Variants in DNAAF3 observed in about 807,000 individuals in gnomAD.
DNAAF3 encodes the protein dynein axonemal assembly factor 3.
Under a neutral mutation model 50.9 loss-of-function variants are expected in DNAAF3, and 40 were observed. The observed-to-expected ratio is 0.79, with a 90% CI of 0.61 to 1.02. DNAAF3 has a LOEUF of 1.02. Among genes scored for constraint, DNAAF3 ranks in the 50% least tolerant of loss-of-function variants. The probability of loss-of-function intolerance (pLI) is 0.00; values close to 1 mark genes in which losing one functional copy is unlikely to be tolerated. For synonymous variants in DNAAF3, 327 were observed against 322.8 expected, an observed-to-expected ratio of 1.01 and a Z score of -0.14; for missense variants, 763 against 744.7, an observed-to-expected ratio of 1.02 and a Z score of -0.29.
Position 55,160,902 on chromosome 19 carries a change from A to T in DNAAF3, c.913-127T>A. 1 of 1,458,994 alleles carries T rather than the reference A, an allele frequency of 6.9e-7. No homozygotes were observed. Among genetic ancestry groups the T allele is most frequent in the Non-Finnish European group, 9.0e-7 (1 of 1,107,708 alleles). 90.4% of individuals were successfully genotyped at this position (1,458,994 alleles called of 1,614,324 possible). ...CTTGGAGGATGTGAAGTGGGGCGGG[A>T]CCTATCCCGCGGGGATGGGGCCTGT... On this transcript the variant is annotated intron_variant, in intron 8 of 11. Coordinates refer to ENST00000524407, the MANE Select transcript of DNAAF3 (RefSeq NM_001256715.2). This position sits in a 1 kb window ranked among gnomAD's most constrained non-coding sequence, Gnocchi z 4.7.
Position 55,166,095 on chromosome 19 carries a change from C to T in DNAAF3, c.86-95G>A, listed in dbSNP as rs1568869086. ...AAAATGGACTACAAATCCCAGTAGG[C>T]GTTCCGCCCGTGGCCTAGGTTCTAA... is the stretch of plus-strand genomic sequence containing the variant. On this transcript the variant is annotated intron_variant, in intron 2 of 11. Transcript: ENST00000524407. The surrounding 1 kb of genome is among the most constrained non-coding windows in gnomAD (Gnocchi z 4.0). The T allele has an allele frequency of 1.9e-6, 3 of 1,599,272 alleles. No homozygotes were observed. The highest frequency in any genetic ancestry group is 1.3e-5 in the African/African-American group (1 of 74,814).
rs757302187 is a variant in DNAAF3 at position 55,166,416 on chromosome 19, C to A, written c.-3G>T. 5.6e-6 allele frequency: 9 copies of A among 1,613,794 alleles called. No individual in the cohort carries two copies. The highest frequency in any genetic ancestry group is 2.5e-6 in the Non-Finnish European group (3 of 1,179,904). On this transcript the variant is annotated splice_region_variant and 5_prime_UTR_variant, in exon 2 of 12. Coordinates refer to ENST00000524407, the MANE Select transcript of DNAAF3 (RefSeq NM_001256715.2). This position sits in a 1 kb window ranked among gnomAD's most constrained non-coding sequence, Gnocchi z 4.0. ...CCGGAGCCGGCAGGTGTGGTCATCA[C>A]CCTGCGGAAAAGACATTCTGGGAAT...
intron 4 of DNAAF3, among the ~76,000 whole-genome samples, chr19:55,164,549 G>A (rs533814551): frequency 2.1e-4 from 32 of 151,758 alleles, no homozygotes; most frequent in Non-Finnish European, 4.1e-4. Context: ...TTTAGATGGA[G>A]GTTTTGCTTT....
At position 55,158,844 on chromosome 19, in the gene DNAAF3, C is replaced by T; in HGVS notation, c.*218G>A. On this transcript the variant is annotated 3_prime_UTR_variant, in exon 12 of 12. Transcript: ENST00000524407. ...AGCCTCAGAAGTGGAATTTGGAATT[C>T]TGAGAGAACAATCTAGAATTCTAGG... The T allele has an allele frequency of 1.9e-6, 1 of 523,044 alleles. No homozygotes were observed. Among genetic ancestry groups the T allele is most frequent in the Non-Finnish European group, 3.2e-6 (1 of 310,282 alleles). 32.4% of individuals were successfully genotyped at this position (523,044 alleles called of 1,614,324 possible). A position where few individuals can be genotyped will look rare whatever the true frequency, so the allele number is the denominator to read the frequency against.
chr19:55,165,483 A>T lies in DNAAF3; in HGVS notation c.229-20T>A. The T allele has an allele frequency of 6.2e-7, 1 of 1,612,952 alleles. No homozygotes were observed. Among genetic ancestry groups the T allele is most frequent in the Middle Eastern group, 1.7e-4 (1 of 5,980 alleles). On this transcript the variant is annotated intron_variant, in intron 3 of 11. Transcript: ENST00000524407. Reference sequence around the variant, plus strand: ...AAAGAACTAGAAGGATGGACAGGGCAGAATAATTCTGAGACCTGTTTGCCT... The same window carrying T: ...AAAGAACTAGAAGGATGGACAGGGCTGAATAATTCTGAGACCTGTTTGCCT...
chr19:55,165,652 C>G (rs896985382), intron 3 of DNAAF3, 189 bp from the exon 4 acceptor site: 4 of 961,764 alleles, frequency 4.2e-6, no homozygotes, highest in African/African-American at 1.6e-5. Flanking sequence ...ACCTCATCCT[C>G]GAGCTCTTCC....
At chr19:55,163,718 T>C (rs1418049717) in intron 4 of DNAAF3, among the ~76,000 whole-genome samples, 4 of 152,216 alleles carry the variant, frequency 2.6e-5, no homozygotes, top group Non-Finnish European at 5.9e-5. Flanking sequence ...TATATACACA[T>C]AGACATACAA....
Position 55,162,141 on chromosome 19 carries a change from C to T in DNAAF3, c.472G>A (p.Ala158Thr), listed in dbSNP as rs2085847866. 4 of 1,249,554 alleles carry T rather than the reference C, an allele frequency of 3.2e-6. No individual in the cohort carries two copies. The highest frequency in any genetic ancestry group is 2.0e-6 in the Non-Finnish European group (2 of 991,386). The allele number at this position is 1,249,554 out of a possible 1,614,324, so 77.4% of individuals were successfully genotyped here. A position where few individuals can be genotyped will look rare whatever the true frequency, so the allele number is the denominator to read the frequency against. Residue 158 changes from alanine (A) to threonine (T), a missense_variant, in exon 5 of 12, where the codon GCC becomes ACC. Transcript: ENST00000524407. Reference protein sequence around the residue: ...EEQLPWLSLRALKFRERDALE... With the variant: ...EEQLPWLSLRTLKFRERDALE... The stretch of plus-strand genomic sequence containing the variant: ...AGGCCGGGCGGCGGCACCTTGAGGG[C>T]GCGGAGGCTGAGCCAGGGCAGCTGT...
rs2085832835 is a variant in DNAAF3, at chr19:55,161,561, C to T, written c.663+82G>A. Reference sequence around the variant, plus strand: ...GGAGTTCAGGCCCCCAAACCCTCCTCCCTCAGACTCAGGAGGCCCCCAGCC... The same window carrying T: ...GGAGTTCAGGCCCCCAAACCCTCCTTCCTCAGACTCAGGAGGCCCCCAGCC... On this transcript the variant is annotated intron_variant, in intron 6 of 11. Coordinates refer to ENST00000524407, the MANE Select transcript of DNAAF3 (RefSeq NM_001256715.2). The surrounding 1 kb of genome is among the most constrained non-coding windows in gnomAD (Gnocchi z 6.4). The T allele has an allele frequency of 2.7e-6, 4 of 1,473,188 alleles. No homozygotes were observed. Among genetic ancestry groups the T allele is most frequent in the Non-Finnish European group, 2.7e-6 (3 of 1,112,092 alleles). The allele number at this position is 1,473,188 out of a possible 1,614,324, so 91.3% of individuals were successfully genotyped here. A position where few individuals can be genotyped will look rare whatever the true frequency, so the allele number is the denominator to read the frequency against.
chr19:55,160,013 G>A lies in DNAAF3; in HGVS notation c.1049C>T (p.Ala350Val), dbSNP rs1353424501. Residue 350 changes from alanine to valine, a missense_variant and splice_region_variant, in exon 10 of 12, where the codon GCA (alanine) becomes GTA (valine). Physicochemically the swap from Ala to Val is moderately conservative, Grantham distance 64. Transcript: ENST00000524407. The surrounding 1 kb of genome is among the most constrained non-coding windows in gnomAD (Gnocchi z 4.7). ...AEGSPEPGTP[A>V]APTPESFTVH... ...GGTGAAAGATTCCGGGGTCGGGGCT[G>A]CTGGGGGAAGGGGATAGAGGGGTCA... 1 of 1,583,730 alleles carries A rather than the reference G, an allele frequency of 6.3e-7. No homozygotes were observed. Among genetic ancestry groups the A allele is most frequent in the African/African-American group, 1.4e-5 (1 of 72,668 alleles).
chr19:55,159,603 C>T lies in DNAAF3; in HGVS notation c.1168G>A (p.Val390Ile). Residue 390 changes from valine (V) to isoleucine (I), a missense_variant, in exon 11 of 12, where the codon GTC becomes ATC. Coordinates refer to ENST00000524407, the MANE Select transcript of DNAAF3 (RefSeq NM_001256715.2). Reference sequence around the variant, plus strand: ...CCAAGCTCAGGGATGAGAAGATGGACCATACTGCAGAGAGGACGGAGGACA... The same window carrying T: ...CCAAGCTCAGGGATGAGAAGATGGATCATACTGCAGAGAGGACGGAGGACA... ...FQLLYVACGM[V>I]HLLIPELGAC... is the part of the protein sequence containing the mutation. The T allele has an allele frequency of 6.2e-7, 1 of 1,612,334 alleles. No individual in the cohort carries two copies. The highest frequency in any genetic ancestry group is 8.5e-7 in the Non-Finnish European group (1 of 1,179,276).
chr19:55,165,589 C>T (rs2085924632), intron 3 of DNAAF3, 126 bp from the exon 4 acceptor site: 2 of 1,015,946 alleles, frequency 2.0e-6, no homozygotes, highest in African/African-American at 3.2e-5. Context: ...CCTCTTCCTT[C>T]AAACACAGAA....
rs374560751 is a variant in DNAAF3, at chr19:55,159,299, G to T, written c.1389C>A (p.Gly463=). 115 of 1,614,144 alleles carry T rather than the reference G, an allele frequency of 7.1e-5. No homozygotes were observed. Among genetic ancestry groups the T allele is most frequent in the Middle Eastern group, 4.9e-4 (3 of 6,062 alleles). The stretch of plus-strand genomic sequence containing the variant: ...CGGGTTCCACAGCTGGGACAGTGTT[G>T]CCCAGAGCTGATTCCTGGGACTTGC... ...RFCKSQESAL[G]NTVPAVEPGT... The change falls in exon 12 of 12, where the codon GGC becomes GGA. Residue 463 remains glycine, a synonymous_variant. Transcript: ENST00000524407.
In DNAAF3 at chr19:55,161,841, C is replaced by T. The variant is rs1305781259; in HGVS notation, c.481-16G>A. ...GCTCGCGGAACTGCGGGGCCAGGCA[C>T]GCGGTGGGACAGAGGAAGGCAGAGA... On this transcript the variant is annotated splice_polypyrimidine_tract_variant and intron_variant, in intron 5 of 11. Transcript: ENST00000524407. The surrounding 1 kb of genome is among the most constrained non-coding windows in gnomAD (Gnocchi z 6.4). 2 of 1,428,694 alleles carry T rather than the reference C, an allele frequency of 1.4e-6. No homozygotes were observed. The highest frequency in any genetic ancestry group is 2.7e-5 in the East Asian group (1 of 37,146). The allele number at this position is 1,428,694 out of a possible 1,614,324, so 88.5% of individuals were successfully genotyped here.
chr19:55,162,312 T>C (rs1011667749), intron 4 of DNAAF3, 22 bp from the exon 5 acceptor site: 5 of 1,249,666 alleles, frequency 4.0e-6, no homozygotes, highest in Admixed American at 4.2e-5. Context: ...GGGAGATAAT[T>C]GCGGGAATGT....
In DNAAF3 at chr19:55,164,349, G is replaced by T. The variant is rs145339268; in HGVS notation, c.322+1021C>A. On this transcript the variant is annotated intron_variant, in intron 4 of 11. Transcript: ENST00000524407. ...TACAAAACCTTAGCCGGGCATGGTG[G>T]TGCATGCCTGTAATCCCAGCTACTT... Among the ~76,000 whole-genome samples the T allele has an allele frequency of 4.9e-3, 750 of 152,204 alleles. 9 individuals are homozygous for T. Among genetic ancestry groups the T allele is most frequent in the African/African-American group, 0.017 (720 of 41,530 alleles).
chr19:55,163,312 AT>A (rs34371299), intron 4 of DNAAF3, among the ~76,000 whole-genome samples: 6,587 of 87,156 alleles, frequency 0.076, 650 homozygotes, highest in Admixed American at 0.22. Context: ...CCGGCGGCTA[AT>A]TTTTTTTTTT....
Position 55,166,179 on chromosome 19 carries a change from C to T in DNAAF3, c.85+150G>A. ...GCAGTCCGCAGACAGGACCTCGGGG[C>T]TGCCCCTGGGAGCGCGCCCTCTGCC... is the stretch of plus-strand genomic sequence containing the variant. On this transcript the variant is annotated intron_variant, in intron 2 of 11. Coordinates refer to ENST00000524407, the MANE Select transcript of DNAAF3 (RefSeq NM_001256715.2). This position sits in a 1 kb window ranked among gnomAD's most constrained non-coding sequence, Gnocchi z 4.0. 1 of 1,549,442 alleles carries T rather than the reference C, an allele frequency of 6.5e-7. No homozygotes were observed. The highest frequency in any genetic ancestry group is 8.7e-7 in the Non-Finnish European group (1 of 1,148,136).
chr19:55,159,405 G>C lies in DNAAF3; in HGVS notation c.1283C>G (p.Thr428Ser), dbSNP rs2085776714. ...VRQEQLQGFN[T>S]RVRELAQAAG... Reference sequence around the variant, plus strand: ...TGCCTGAGCTAGCTCCCTGACCCGGGTGTTGAATCCCTGCAGCTGCTCCTG... The same window carrying C: ...TGCCTGAGCTAGCTCCCTGACCCGGCTGTTGAATCCCTGCAGCTGCTCCTG... Residue 428 changes from threonine (T) to serine (S), a missense_variant, in exon 12 of 12, where the codon ACC becomes AGC. By Grantham distance (58) the Thr-to-Ser change is moderately conservative (BLOSUM62 1). Transcript: ENST00000524407. 1 of 1,614,030 alleles carries C rather than the reference G, an allele frequency of 6.2e-7. No individual in the cohort carries two copies. Among genetic ancestry groups the C allele is most frequent in the Admixed American group, 1.7e-5 (1 of 60,014 alleles).
Sources: allele counts gnomAD v4.1 joint callset (sites outside exome capture counted in the v4.1 genomes callset), GRCh38; gene constraint gnomAD v4.1.1; non-coding constraint Gnocchi (gnomAD v3.1); transcripts MANE v1.5; gene names NCBI Gene and HGNC (gene_info 2026-07-23, HGNC 2026-07-21).